IQGAP1: variants seen among roughly 807,000 people sequenced by gnomAD.
IQGAP1 encodes the protein ras GTPase-activating-like protein IQGAP1.
In IQGAP1, 66 loss-of-function variants were observed where a neutral mutation model predicts 215.6. The observed-to-expected ratio is 0.31, with a 90% confidence interval of 0.25 to 0.38. The LOEUF is 0.38. IQGAP1 is among the 10% of genes least tolerant of loss of function. The pLI is 1.00. For missense variants in IQGAP1, 1,712 were observed against 1,997.1 expected (o/e 0.86, Z 2.72); for synonymous variants, 772 against 728.7 (o/e 1.06, Z -0.96).
At chr15:90,423,382 C>T (rs1017729338) in intron 2 of IQGAP1, among the ~76,000 whole-genome samples, 2 of 152,104 alleles carry the variant, frequency 1.3e-5, no homozygotes, top group Non-Finnish European at 2.9e-5. Flanking sequence ...TATAGGTGCA[C>T]ACCACCACAC....
intron 2 of IQGAP1, among the ~76,000 whole-genome samples, chr15:90,424,286 G>A (rs1237499345): frequency 6.6e-6 from 1 of 152,190 alleles, no homozygotes; most frequent in Non-Finnish European, 1.5e-5. Context: ...AGGCTGAATA[G>A]AGGTATAGTT....
At chr15:90,462,625 G>C (rs543340970) in intron 15 of IQGAP1, among the ~76,000 whole-genome samples, 47 of 152,308 alleles carry the variant, frequency 3.1e-4, no homozygotes, top group Middle Eastern at 3.4e-3. Context: ...GTGATGAGAA[G>C]TGCCCTTTAG....
At chr15:90,433,508 C>T (rs1441169283) in intron 4 of IQGAP1, among the ~76,000 whole-genome samples, 1 of 152,114 alleles carries the variant, frequency 6.6e-6, no homozygotes, top group African/African-American at 2.4e-5. Context: ...ACTTTTTATT[C>T]TGTATTATAG....
intron 37 of IQGAP1, among the ~76,000 whole-genome samples, chr15:90,499,111 C>T (rs181258072): frequency 5.0e-4 from 76 of 151,998 alleles, no homozygotes; most frequent in Non-Finnish European, 1.6e-4. Flanking sequence ...CCACCACACC[C>T]GGCCTTGTGG....
At chr15:90,477,276 A>T in intron 25 of IQGAP1, 46 bp downstream of exon 25, 2 of 1,495,728 alleles carry the variant, frequency 1.3e-6, no homozygotes, top group East Asian at 2.3e-5. Context: ...CCACTATCAG[A>T]GGGGCTCCCA....
intron 15 of IQGAP1, among the ~76,000 whole-genome samples, chr15:90,456,981 GAAA>G (rs60769473): frequency 8.9e-6 from 1 of 112,248 alleles, no homozygotes; most frequent in Admixed American, 8.3e-5. Flanking sequence ...ATACGATCCA[GAAA>G]AAAAAATATA....
rs1172612135 is a variant in IQGAP1, at chr15:90,463,958, C to A, written c.1777-2043C>A. Reference sequence around the variant, plus strand: ...TTCTCTAATAAAACAGGAGGAAAGCCAAGCCTTCCCTAAGGTTTTGTGACT... The same window carrying A: ...TTCTCTAATAAAACAGGAGGAAAGCAAAGCCTTCCCTAAGGTTTTGTGACT... On this transcript the variant is annotated intron_variant, in intron 15 of 37. Coordinates refer to ENST00000268182, the MANE Select transcript of IQGAP1 (RefSeq NM_003870.4). Among the ~76,000 whole-genome samples, 6 of 152,256 alleles carry A rather than the reference C, an allele frequency of 3.9e-5. No homozygotes were observed. The East Asian group carries it at 1.2e-3, about 29-fold the overall frequency.
chr15:90,497,423 T>C, intron 37 of IQGAP1, 83 bp downstream of exon 37: 1 of 730,234 alleles, frequency 1.4e-6, no homozygotes, highest in Non-Finnish European at 2.4e-6. Context: ...AGGAGACTCA[T>C]CTGAGGAAAG....
chr15:90,440,638 G>T, intron 7 of IQGAP1, 23 bp downstream of exon 7: 1 of 1,413,764 alleles, frequency 7.1e-7, no homozygotes, highest in African/African-American at 1.4e-5. Context: ...AAATTTTGTG[G>T]GTTCAACTGG....
intron 2 of IQGAP1, among the ~76,000 whole-genome samples, chr15:90,396,205 T>C (rs1964716846): frequency 1.3e-5 from 2 of 152,224 alleles, no homozygotes; most frequent in Non-Finnish European, 1.5e-5. Flanking sequence ...TTTTCTGGGA[T>C]GGGCTCTTCA....
intron 5 of IQGAP1, among the ~76,000 whole-genome samples, chr15:90,435,846 A>G (rs911613774): frequency 6.6e-5 from 10 of 152,258 alleles, no homozygotes; most frequent in Non-Finnish European, 1.2e-4. Context: ...TTCGTGATTT[A>G]TGGTTTCTTT....
At chr15:90,407,339 C>T (rs1244727362) in intron 2 of IQGAP1, among the ~76,000 whole-genome samples, 1 of 152,194 alleles carries the variant, frequency 6.6e-6, no homozygotes, top group East Asian at 1.9e-4. Flanking sequence ...ATCTCAGAAG[C>T]TCAACCTTTC....
chr15:90,425,871 C>G (rs1218293014), intron 2 of IQGAP1, among the ~76,000 whole-genome samples: 1 of 152,106 alleles, frequency 6.6e-6, no homozygotes, highest in Non-Finnish European at 1.5e-5. Flanking sequence ...GTTGCTGCAG[C>G]AGAGGAAAGT....
At position 90,497,241 on chromosome 15, in the gene IQGAP1, T is replaced by G; in HGVS notation, c.4761T>G (p.Asn1587Lys). 1 of 1,572,282 alleles carries G rather than the reference T, an allele frequency of 6.4e-7. No homozygotes were observed. Among genetic ancestry groups the G allele is most frequent in the Non-Finnish European group, 8.7e-7 (1 of 1,143,596 alleles). Reference protein sequence around the residue: ...IEDLQVNQFKNVIFEISPTEE... With the variant: ...IEDLQVNQFKKVIFEISPTEE... ...TGTTATCTTTCAACAGGTTTAAAAATGTTATATTTGAAATCAGTCCAACAG... is the reference window on the plus strand; with the variant it reads ...TGTTATCTTTCAACAGGTTTAAAAAGGTTATATTTGAAATCAGTCCAACAG... The change falls in exon 37 of 38, where the codon AAT becomes AAG. Residue 1587 changes from asparagine to lysine, a missense_variant. Physicochemically the swap from Asn to Lys is moderately conservative, Grantham distance 94. Around this residue, in one of 2 missense-constraint regions of IQGAP1, gnomAD observed 691 missense variants for 923.0 expected, o/e 0.75. Coordinates refer to ENST00000268182, the MANE Select transcript of IQGAP1 (RefSeq NM_003870.4).
chr15:90,401,386 A>C (rs1218239266), intron 2 of IQGAP1, among the ~76,000 whole-genome samples: 1 of 152,230 alleles, frequency 6.6e-6, no homozygotes, highest in Non-Finnish European at 1.5e-5. Context: ...TCAATAAGGC[A>C]TTTTATTCTA....
rs1045337679 is a variant in IQGAP1 at position 90,388,363 on chromosome 15, G to A, written c.22G>A (p.Asp8Asn). 1.9e-6 allele frequency: 3 copies of A among 1,594,518 alleles called. No homozygotes were observed. The African/African-American group carries it at 4.2e-5, about 22-fold the overall frequency. The part of the protein sequence containing the change: MSAADEV[D>N]GLGVARPHYG... ...CGCCATGTCCGCCGCAGACGAGGTTGACGGGCTGGGCGTGGCCCGGCCGCA... is the reference window on the plus strand; with the variant it reads ...CGCCATGTCCGCCGCAGACGAGGTTAACGGGCTGGGCGTGGCCCGGCCGCA... The change falls in exon 1 of 38, where the codon GAC becomes AAC. Residue 8 changes from aspartate to asparagine, a missense_variant. Asp to Asn is a conservative substitution (Grantham distance 23, BLOSUM62 1). Around this residue, in one of 2 missense-constraint regions of IQGAP1, gnomAD observed 1,021 missense variants for 1,074.2 expected, o/e 0.95. Coordinates refer to ENST00000268182, the MANE Select transcript of IQGAP1 (RefSeq NM_003870.4).
rs762777620 is a variant in IQGAP1 at position 90,433,705 on chromosome 15, T to A, written c.391-14T>A. 22 of 1,511,002 alleles carry A rather than the reference T, an allele frequency of 1.5e-5. No individual in the cohort carries two copies. Among genetic ancestry groups the A allele is most frequent in the Non-Finnish European group, 2.0e-5 (22 of 1,091,782 alleles). The allele number at this position is 1,511,002 out of a possible 1,614,324, so 93.6% of individuals were successfully genotyped here. The stretch of plus-strand genomic sequence containing the variant: ...GAATGGATATCTTACTCTGTTTCTT[T>A]TATTTCTCCCTAGATTTTTTACCCA... On this transcript the variant is annotated splice_polypyrimidine_tract_variant and intron_variant, in intron 4 of 37. Transcript: ENST00000268182.
chr15:90,499,975 T>C lies in IQGAP1; in HGVS notation c.4861-20T>C, dbSNP rs751610568. 3.2e-5 allele frequency: 44 copies of C among 1,367,478 alleles called. No individual in the cohort carries two copies. Among genetic ancestry groups the C allele is most frequent in the Non-Finnish European group, 1.0e-6 (1 of 956,846 alleles). The allele number at this position is 1,367,478 out of a possible 1,614,324, so 84.7% of individuals were successfully genotyped here. A position where few individuals can be genotyped will look rare whatever the true frequency, so the allele number is the denominator to read the frequency against. On this transcript the variant is annotated intron_variant, in intron 37 of 37. Transcript: ENST00000268182. ...AACTGTCAAAATGTTTTGTTTTGTT[T>C]TGTTTTGTTTTGTTAATAGGACCTG...
rs180940307 is a variant in IQGAP1 at position 90,429,932 on chromosome 15, A to G, written c.390+266A>G. ...TCAAATTGTAGACTTACATTTTACT[A>G]TTTTTCCTTAGATAGAATTCACATG... On this transcript the variant is annotated intron_variant, in intron 4 of 37. Transcript: ENST00000268182. The G allele has an allele frequency of 1.5e-4, 37 of 249,466 alleles. 1 individual carries two copies. The highest frequency in any genetic ancestry group is 3.6e-4 in the African/African-American group (16 of 44,850). 15.5% of individuals were successfully genotyped at this position (249,466 alleles called of 1,614,324 possible).
Sources: gnomAD v4.1 joint callset for allele counts (sites outside exome capture counted in the v4.1 genomes callset) on GRCh38, gnomAD v4.1.1 for gene constraint, gnomAD v4.1.1 regional missense constraint, MANE v1.5 for transcripts, NCBI Gene and HGNC (gene_info 2026-07-23, HGNC 2026-07-21) for gene names.